Variants in PTPN22 observed in about 807,000 individuals in gnomAD.
PTPN22 encodes the protein protein tyrosine phosphatase non-receptor type 22.
Under a neutral mutation model 103.3 loss-of-function variants are expected in PTPN22, and 85 were observed. That is an observed-to-expected ratio of 0.82 (90% confidence interval 0.69 to 0.99). The LOEUF (loss-of-function observed/expected upper bound fraction) is 0.99, where lower values mean the gene tolerates loss of function less well. PTPN22 is among the 50% of genes least tolerant of loss of function. The probability of loss-of-function intolerance (pLI) is 0.00; values close to 1 mark genes in which losing one functional copy is unlikely to be tolerated. For missense variants in PTPN22, 865 were observed against 936.9 expected (o/e 0.92, Z 1.00); for synonymous variants, 323 against 310.2 (o/e 1.04, Z -0.43).
At chr1:113,849,482 T>C (rs2102045745) in intron 10 of PTPN22, among the ~76,000 whole-genome samples, 1 of 152,322 alleles carries the variant, frequency 6.6e-6, no homozygotes, top group Non-Finnish European at 1.5e-5. Flanking sequence ...TTTACACATT[T>C]CTGTACAAAT....
At chr1:113,825,218 G>A (rs1168582297) in intron 18 of PTPN22, 46 bp from the exon 19 acceptor site, 3 of 1,189,782 alleles carry the variant, frequency 2.5e-6, no homozygotes, top group Admixed American at 4.9e-5. Flanking sequence ...TGTGAAACTT[G>A]AAATACTTTA....
chr1:113,840,539 A>G (rs1663458512), intron 11 of PTPN22, among the ~76,000 whole-genome samples: 2 of 152,234 alleles, frequency 1.3e-5, no homozygotes, highest in Admixed American at 1.3e-4. Flanking sequence ...ATTAAATAAG[A>G]TATAAATAAA....
intron 11 of PTPN22, 89 bp from the exon 12 acceptor site, chr1:113,838,709 C>T: frequency 6.7e-7 from 1 of 1,491,840 alleles, no homozygotes; most frequent in Non-Finnish European, 8.9e-7. Context: ...AGTAATTTTT[C>T]AGGAAATAAA....
At chr1:113,820,455 C>T (rs1179931196) in intron 19 of PTPN22, among the ~76,000 whole-genome samples, 1 of 152,008 alleles carries the variant, frequency 6.6e-6, no homozygotes, top group South Asian at 2.1e-4. Flanking sequence ...AGAGCAAGAC[C>T]CTGTCTCAAA....
chr1:113,833,366 C>T (rs951152846), intron 15 of PTPN22, among the ~76,000 whole-genome samples: 1 of 152,102 alleles, frequency 6.6e-6, no homozygotes, highest in African/African-American at 2.4e-5. Context: ...AAATTGATCC[C>T]CTTCTGACTT....
intron 16 of PTPN22, among the ~76,000 whole-genome samples, chr1:113,831,880 TG>T (rs1662578858): frequency 6.6e-6 from 1 of 152,222 alleles, no homozygotes; most frequent in South Asian, 2.1e-4. Context: ...TCATACATCC[TG>T]CCTATTCTAA....
At chr1:113,843,380 A>C (rs1216736176) in intron 11 of PTPN22, among the ~76,000 whole-genome samples, 19 of 152,146 alleles carry the variant, frequency 1.2e-4, no homozygotes, top group Non-Finnish European at 1.5e-5. Flanking sequence ...GTGACACGTT[A>C]CAACATGGAT....
intron 9 of PTPN22, 42 bp from the exon 10 acceptor site, chr1:113,852,146 T>G (rs900378915): frequency 2.1e-6 from 3 of 1,426,422 alleles, no homozygotes; most frequent in Non-Finnish European, 2.9e-6. Context: ...AATATTTTGT[T>G]AATAAATTAT....
chr1:113,818,114 G>T (rs1454547913), intron 20 of PTPN22, among the ~76,000 whole-genome samples: 1 of 151,670 alleles, frequency 6.6e-6, no homozygotes, highest in Admixed American at 6.6e-5. Context: ...ACAATATTCT[G>T]TGTGAATGTT....
At chr1:113,830,050 A>G in intron 16 of PTPN22, 21 bp from the exon 17 acceptor site, 1 of 1,514,826 alleles carries the variant, frequency 6.6e-7, no homozygotes, top group Non-Finnish European at 9.0e-7. Flanking sequence ...AAAGTATACA[A>G]TAAACCAGAG....
At chr1:113,824,698 G>A (rs1019800872) in intron 19 of PTPN22, among the ~76,000 whole-genome samples, 1 of 152,022 alleles carries the variant, frequency 6.6e-6, no homozygotes, top group African/African-American at 2.4e-5. Context: ...CTTAGGATGG[G>A]TAGAAAGTAC....
intron 19 of PTPN22, 28 bp downstream of exon 19, chr1:113,825,112 CGA>C: frequency 2.8e-6 from 4 of 1,416,488 alleles, no homozygotes; most frequent in African/African-American, 1.4e-5. Flanking sequence ...ATTGAGAAAA[CGA>C]TATTTTTAAA....
exon 8 of PTPN22, chr1:113,855,017 C>A (rs769759906): frequency 2.8e-5 from 45 of 1,610,448 alleles, no homozygotes; most frequent in Non-Finnish European, 3.7e-5. Context: ...CTGGCCAATT[C>A]TTGTAATGAA....
intron 9 of PTPN22, among the ~76,000 whole-genome samples, chr1:113,853,848 A>AT (rs1240961300): frequency 2.7e-4 from 30 of 111,364 alleles, no homozygotes; most frequent in African/African-American, 4.4e-4. Flanking sequence ...TGCCTGGCTA[A>AT]TTTTTTTTTG....
intron 19 of PTPN22, 53 bp downstream of exon 19, chr1:113,825,089 T>C (rs968149104): frequency 1.5e-6 from 2 of 1,295,122 alleles, no homozygotes; most frequent in Non-Finnish European, 2.1e-6. Context: ...GTTATATAAA[T>C]AAAAATTACA....
At chr1:113,816,441 GA>G (rs66518921) in intron 20 of PTPN22, among the ~76,000 whole-genome samples, 5 of 144,668 alleles carry the variant, frequency 3.5e-5, no homozygotes, top group South Asian at 2.2e-4. Flanking sequence ...AAAAAGAATT[GA>G]AAAAAAAAAA....
At chr1:113,864,343 T>C in intron 1 of PTPN22, 1 of 405,940 alleles carries the variant, frequency 2.5e-6, no homozygotes, top group East Asian at 9.3e-5. Context: ...TGAGCTATGA[T>C]CAAGCCACGG....
At chr1:113,856,562 A>G (rs1435695776) in exon 6 of PTPN22, 1 of 1,614,210 alleles carries the variant, frequency 6.2e-7, no homozygotes. Context: ...GATACAGAGA[A>G]AGGGCCAAAT....
rs1388885848 is a variant in PTPN22, at chr1:113,854,412, TACTA to T, written c.750+55_750+58del. 6 of 1,463,534 alleles carry T rather than the reference TACTA, an allele frequency of 4.1e-6. No homozygotes were observed. In the African/African-American group the frequency reaches 8.4e-5, roughly 20 times the overall value. 90.7% of individuals were successfully genotyped at this position (1,463,534 alleles called of 1,614,324 possible). A position where few individuals can be genotyped will look rare whatever the true frequency, so the allele number is the denominator to read the frequency against. The stretch of plus-strand genomic sequence containing the variant: ...TAGATGTTTTGAAAAACCAAACAAT[TACTA>T]AGTATGAAAGCAGTAGACTAAGCAA... On this transcript the variant is annotated intron_variant, in intron 9 of 20. Transcript: ENST00000359785.
Sources: allele counts gnomAD v4.1 joint callset (sites outside exome capture counted in the v4.1 genomes callset), GRCh38; gene constraint gnomAD v4.1.1; transcripts MANE v1.5; gene names NCBI Gene and HGNC (gene_info 2026-07-23, HGNC 2026-07-21).